The following RBFOX1 variants were observed in gnomAD, a reference collection of about 807,000 sequenced individuals.
The protein encoded by RBFOX1 is RNA binding protein fox-1 homolog 1.
A neutral mutation model predicts 57.7 loss-of-function variants in RBFOX1; 8 were observed. The ratio of observed to expected loss-of-function variants is 0.14; its 90% CI spans 0.08 to 0.25. RBFOX1 has a LOEUF of 0.25. Among genes scored for constraint, RBFOX1 ranks in the 10% least tolerant of loss-of-function variants. The pLI, the probability that RBFOX1 is intolerant of heterozygous loss-of-function variation, is 1.00. For synonymous variants in RBFOX1, 326 were observed against 222.4 expected (o/e 1.47, Z -4.15); for missense variants, 611 against 548.5 (o/e 1.11, Z -1.14).
chr16:6,918,178 A>T (rs1171869009), intron 3 of RBFOX1, among the ~76,000 whole-genome samples: 1 of 151,946 alleles, frequency 6.6e-6, no homozygotes, highest in Non-Finnish European at 1.5e-5. Context: ...GCTACTAGAG[A>T]AGCTGAGGCA....
Position 6,749,653 on chromosome 16 carries a change from C to T in RBFOX1, c.-16+95003C>T, listed in dbSNP as rs1203963912. On this transcript the variant is annotated intron_variant, in intron 3 of 15. Transcript: ENST00000550418. ...CATCTCCTGGAGTGTCTCTCCTAAT[C>T]AGTACATCAGGGGTAACAAATCTTA... 2.0e-5 allele frequency among the ~76,000 whole-genome samples: 3 copies of T among 152,268 alleles called. No individual in the cohort carries two copies. In the East Asian group the frequency reaches 5.8e-4, roughly 29 times the overall value.
chr16:7,506,323 T>C (rs2073283664), intron 4 of RBFOX1, among the ~76,000 whole-genome samples: 1 of 152,024 alleles, frequency 6.6e-6, no homozygotes, highest in Non-Finnish European at 1.5e-5. Context: ...AATGTAGGAT[T>C]CTGACAGATT....
At chr16:6,969,071 G>C (rs997048762) in intron 3 of RBFOX1, among the ~76,000 whole-genome samples, 4 of 152,064 alleles carry the variant, frequency 2.6e-5, no homozygotes, top group East Asian at 1.9e-4. Context: ...GAGGTGTCAA[G>C]AGCACTTACA....
chr16:5,554,595 A>T (rs575645012), intron 2 of RBFOX1, among the ~76,000 whole-genome samples: 1 of 152,226 alleles, frequency 6.6e-6, no homozygotes, highest in South Asian at 2.1e-4. Context: ...TTTGCATTCA[A>T]TGTCCATCTT....
At chr16:7,587,757 C>T (rs1055426226) in intron 7 of RBFOX1, among the ~76,000 whole-genome samples, 6 of 152,112 alleles carry the variant, frequency 3.9e-5, no homozygotes, top group Non-Finnish European at 5.9e-5. Flanking sequence ...GTATGTTTAC[C>T]GATCCACATT....
intron 5 of RBFOX1, among the ~76,000 whole-genome samples, chr16:7,548,381 T>C (rs942420140): frequency 6.6e-6 from 1 of 152,132 alleles, no homozygotes; most frequent in African/African-American, 2.4e-5. Flanking sequence ...GGTCTTGAAC[T>C]CCCAACCTCA....
At position 7,101,854 on chromosome 16, in the gene RBFOX1, C is replaced by T. The variant is rs554693341; in HGVS notation, c.27+49756C>T. Among the ~76,000 whole-genome samples, 288 of 152,158 alleles carry T rather than the reference C, an allele frequency of 1.9e-3. 2 individuals carry two copies. The highest frequency in any genetic ancestry group is 6.5e-3 in the African/African-American group (268 of 41,498). ...CCAAGGCTCTTGTCTTTGTCTGCAT[C>T]CCAGGTCCAGGGATTGTACAGTTGG... On this transcript the variant is annotated intron_variant, in intron 4 of 15. Transcript: ENST00000550418.
chr16:6,701,437 C>G (rs1477750712), intron 3 of RBFOX1, among the ~76,000 whole-genome samples: 1 of 152,150 alleles, frequency 6.6e-6, no homozygotes, highest in East Asian at 1.9e-4. Flanking sequence ...AAAGGAATAC[C>G]TGAGATTGCA....
At chr16:5,752,298 G>C (rs7193796) in intron 3 of RBFOX1, among the ~76,000 whole-genome samples, 9 of 152,264 alleles carry the variant, frequency 5.9e-5, no homozygotes, top group East Asian at 3.9e-4. Context: ...GGTGGGAGGA[G>C]AGAGAGGATC....
intron 4 of RBFOX1, among the ~76,000 whole-genome samples, chr16:7,234,742 C>T (rs866603095): frequency 6.7e-6 from 1 of 150,002 alleles, no homozygotes; most frequent in Non-Finnish European, 1.5e-5. Flanking sequence ...TTGTAAATAC[C>T]CTGTGCTGAA....
chr16:6,120,216 C>G (rs562218694), intron 1 of RBFOX1, among the ~76,000 whole-genome samples: 1 of 152,134 alleles, frequency 6.6e-6, no homozygotes, highest in Admixed American at 6.5e-5. Context: ...ATTTCCTTGA[C>G]GTAAATAGCT....
At chr16:7,259,276 G>A (rs977505306) in intron 4 of RBFOX1, among the ~76,000 whole-genome samples, 5 of 152,156 alleles carry the variant, frequency 3.3e-5, no homozygotes, top group African/African-American at 7.2e-5. Flanking sequence ...GAAAGCAACT[G>A]CAAAGAGAGG....
chr16:6,856,109 TTCTTCCCTTTCCTTC>T lies in RBFOX1; in HGVS notation c.-15-195947_-15-195933del, dbSNP rs1332223235. Among the ~76,000 whole-genome samples the T allele has an allele frequency of 7.7e-4, 116 of 150,234 alleles. 2 individuals carry two copies. In the East Asian group the frequency reaches 0.016, roughly 21 times the overall value. On this transcript the variant is annotated intron_variant, in intron 3 of 15. Coordinates refer to ENST00000550418, the MANE Select transcript of RBFOX1 (RefSeq NM_018723.4). ...TGAAGACCCTTCCCTTCCCTTCCCT[TTCTTCCCTTTCCTTC>T]CCTTCCCTTTACCTTCCCTTCCCTT...
In RBFOX1 at chr16:7,115,544, C is replaced by A. The variant is rs542102325; in HGVS notation, c.27+63446C>A. Among the ~76,000 whole-genome samples the A allele has an allele frequency of 5.3e-5, 8 of 152,240 alleles. No individual in the cohort carries two copies. The South Asian group carries it at 1.7e-3, about 32-fold the overall frequency. On this transcript the variant is annotated intron_variant, in intron 4 of 15. Transcript: ENST00000550418. ...TGTCAAGGCTCTCTTTGAGGGGGAC[C>A]TTCACTGAGCTCTCTCACCTGGCTG...
At chr16:7,397,931 T>C (rs2098169401) in intron 4 of RBFOX1, among the ~76,000 whole-genome samples, 1 of 152,176 alleles carries the variant, frequency 6.6e-6, no homozygotes, top group Non-Finnish European at 1.5e-5. Context: ...ACTTGGCTCT[T>C]AAATTTCTCG....
chr16:7,355,330 C>T (rs117673389), intron 4 of RBFOX1, among the ~76,000 whole-genome samples: 3 of 152,204 alleles, frequency 2.0e-5, no homozygotes, highest in South Asian at 4.2e-4. Flanking sequence ...TTATCATGAC[C>T]GTATTTTCTC....
intron 2 of RBFOX1, among the ~76,000 whole-genome samples, chr16:6,503,811 T>C (rs1004505352): frequency 6.6e-6 from 1 of 152,056 alleles, no homozygotes; most frequent in Admixed American, 6.5e-5. Flanking sequence ...CTGGAAAAGG[T>C]ATATGCAAAT....
intron 3 of RBFOX1, among the ~76,000 whole-genome samples, chr16:6,941,234 C>G (rs2078398709): frequency 1.4e-5 from 2 of 141,936 alleles, no homozygotes; most frequent in Admixed American, 1.4e-4. Context: ...ACCTCCCTCC[C>G]TCCATCCCCT....
At chr16:5,788,466 C>A (rs2054584558) in intron 3 of RBFOX1, among the ~76,000 whole-genome samples, 1 of 151,868 alleles carries the variant, frequency 6.6e-6, no homozygotes, top group Non-Finnish European at 1.5e-5. Flanking sequence ...CTGTCTCTAC[C>A]AAAAATACAA....
Sources: gnomAD v4.1 joint callset for allele counts (sites outside exome capture counted in the v4.1 genomes callset) on GRCh38, gnomAD v4.1.1 for gene constraint, MANE v1.5 for transcripts, NCBI Gene and HGNC (gene_info 2026-07-23, HGNC 2026-07-21) for gene names.